The following NOVA1 variants were observed in gnomAD, a reference collection of about 807,000 sequenced individuals.
The protein encoded by NOVA1 is RNA-binding protein Nova-1.
NOVA1 carries 7 observed loss-of-function variants against 38.0 expected under a neutral mutation model. The ratio of observed to expected loss-of-function variants is 0.18; its 90% confidence interval spans 0.10 to 0.35. NOVA1 has a LOEUF of 0.35. NOVA1 is among the 10% of genes least tolerant of loss of function. The pLI is 1.00. For missense variants in NOVA1, 460 were observed against 616.0 expected (o/e 0.75, Z 2.68); for synonymous variants, 270 against 232.5 (o/e 1.16, Z -1.47).
chr14:26,582,331 G>C (rs931874672), intron 2 of NOVA1, among the ~76,000 whole-genome samples: 1 of 151,478 alleles, frequency 6.6e-6, no homozygotes, highest in Non-Finnish European at 1.5e-5. Context: ...CTGATTTGAA[G>C]GTGCTTCAGT....
intron 2 of NOVA1, among the ~76,000 whole-genome samples, chr14:26,551,344 C>T (rs61986529): frequency 6.6e-6 from 1 of 151,918 alleles, no homozygotes; most frequent in Non-Finnish European, 1.5e-5. Context: ...TAATACCTGG[C>T]CTATTATTAC....
At chr14:26,453,462 T>C (rs1212070682) in intron 4 of NOVA1, among the ~76,000 whole-genome samples, 1 of 152,058 alleles carries the variant, frequency 6.6e-6, no homozygotes, top group African/African-American at 2.4e-5. Flanking sequence ...AAGATAAGAT[T>C]AACAATATAA....
At chr14:26,452,296 C>CA (rs1029100111) in intron 4 of NOVA1, among the ~76,000 whole-genome samples, 1 of 151,844 alleles carries the variant, frequency 6.6e-6, no homozygotes, top group Non-Finnish European at 1.5e-5. Context: ...GAAGTTGAGA[C>CA]AAAAAACTGA....
At chr14:26,511,858 C>T (rs1888121961) in intron 2 of NOVA1, among the ~76,000 whole-genome samples, 1 of 151,898 alleles carries the variant, frequency 6.6e-6, no homozygotes, top group Non-Finnish European at 1.5e-5. Context: ...ATTGAAAGAC[C>T]CTTTCATAGT....
chr14:26,449,506 T>G (rs1350470459), intron 4 of NOVA1, among the ~76,000 whole-genome samples: 1 of 152,114 alleles, frequency 6.6e-6, no homozygotes, highest in Non-Finnish European at 1.5e-5. Context: ...AAAGATAGCT[T>G]ACTTGTTTCA....
chr14:26,535,840 G>A (rs755868632), intron 2 of NOVA1, among the ~76,000 whole-genome samples: 4 of 152,072 alleles, frequency 2.6e-5, no homozygotes, highest in African/African-American at 4.8e-5. Context: ...TTAGCCGGGC[G>A]TGGTGGTGGG....
At chr14:26,509,710 T>C (rs2138445846) in intron 2 of NOVA1, among the ~76,000 whole-genome samples, 1 of 152,306 alleles carries the variant, frequency 6.6e-6, no homozygotes, top group East Asian at 1.9e-4. Flanking sequence ...GACAGTGTTT[T>C]GCTCTTATTA....
At chr14:26,465,077 C>T (rs575352311) in intron 4 of NOVA1, among the ~76,000 whole-genome samples, 17 of 152,236 alleles carry the variant, frequency 1.1e-4, no homozygotes, top group Admixed American at 2.0e-4. Context: ...ATGGATGTCA[C>T]GATATTTCTA....
intron 2 of NOVA1, among the ~76,000 whole-genome samples, chr14:26,539,572 GTAGA>G (rs200130109): frequency 0.026 from 3,882 of 151,780 alleles, 73 homozygotes; most frequent in Non-Finnish European, 0.039. Context: ...GATGATAGAT[GTAGA>G]TAAAGATATA....
intron 4 of NOVA1, among the ~76,000 whole-genome samples, chr14:26,458,793 T>C (rs1462536810): frequency 1.3e-5 from 2 of 151,932 alleles, no homozygotes; most frequent in African/African-American, 4.8e-5. Context: ...CCTGTACACA[T>C]ACCCCCAAAT....
At chr14:26,580,710 T>C (rs931050701) in intron 2 of NOVA1, among the ~76,000 whole-genome samples, 3 of 151,984 alleles carry the variant, frequency 2.0e-5, no homozygotes, top group African/African-American at 7.2e-5. Flanking sequence ...AATAGAATGT[T>C]TAAAAATATA....
chr14:26,489,597 C>T (rs1401409521), intron 2 of NOVA1, among the ~76,000 whole-genome samples: 6 of 151,852 alleles, frequency 4.0e-5, no homozygotes. Context: ...AAAAACTGTA[C>T]ATATACCAAG....
intron 2 of NOVA1, among the ~76,000 whole-genome samples, chr14:26,494,512 A>G (rs1488929483): frequency 2.6e-5 from 4 of 152,214 alleles, no homozygotes; most frequent in Non-Finnish European, 5.9e-5. Flanking sequence ...AATGACAGAG[A>G]TACTGGTAAA....
chr14:26,488,455 G>C (rs1417395802), intron 2 of NOVA1, among the ~76,000 whole-genome samples: 2 of 152,154 alleles, frequency 1.3e-5, no homozygotes, highest in African/African-American at 4.8e-5. Context: ...CTGCACAGCT[G>C]AGGAATCTAA....
intron 3 of NOVA1, among the ~76,000 whole-genome samples, chr14:26,478,174 T>C (rs1219812592): frequency 6.6e-6 from 1 of 151,934 alleles, no homozygotes; most frequent in Non-Finnish European, 1.5e-5. Flanking sequence ...AAAATTCTAG[T>C]CTTCATAAAT....
chr14:26,583,963 G>A (rs1464004199), intron 2 of NOVA1, among the ~76,000 whole-genome samples: 4 of 148,500 alleles, frequency 2.7e-5, no homozygotes, highest in African/African-American at 1.0e-4. Context: ...TTAAAAATAA[G>A]TATATATTTT....
At chr14:26,477,080 T>C (rs1027185221) in intron 3 of NOVA1, among the ~76,000 whole-genome samples, 1 of 152,218 alleles carries the variant, frequency 6.6e-6, no homozygotes. Context: ...CAATTTTAAT[T>C]TTTATAAGTT....
intron 2 of NOVA1, among the ~76,000 whole-genome samples, chr14:26,511,623 A>G (rs1046343200): frequency 2.0e-5 from 3 of 151,926 alleles, no homozygotes; most frequent in Non-Finnish European, 4.4e-5. Flanking sequence ...GTGGTGGTGC[A>G]TGCCTGCAGT....
intron 4 of NOVA1, among the ~76,000 whole-genome samples, chr14:26,449,718 C>A (rs189298804): frequency 6.6e-6 from 1 of 151,976 alleles, no homozygotes; most frequent in Admixed American, 6.6e-5. Flanking sequence ...TCTAATTATT[C>A]GCTTTTTTGG....
Sources: gnomAD v4.1 joint callset for allele counts (sites outside exome capture counted in the v4.1 genomes callset) on GRCh38, gnomAD v4.1.1 for gene constraint, MANE v1.5 for transcripts, NCBI Gene and HGNC (gene_info 2026-07-23, HGNC 2026-07-21) for gene names.